The following FOXP1 variants were observed in gnomAD, a reference collection of about 807,000 sequenced individuals.
The protein encoded by FOXP1 is forkhead box P1, also known as forkhead box protein P1.
FOXP1 carries 15 observed loss-of-function variants against 98.2 expected under a neutral mutation model. That is an observed-to-expected ratio of 0.15 (90% CI 0.10 to 0.24). The LOEUF is 0.24. FOXP1 is among the 10% of genes least tolerant of loss of function. FOXP1 has a pLI of 1.00. For synonymous variants in FOXP1, 371 were observed against 314.5 expected (o/e 1.18, Z -1.90); for missense variants, 633 against 848.5 (o/e 0.75, Z 3.15).
At chr3:71,182,716 T>G (rs181622757) in intron 6 of FOXP1, among the ~76,000 whole-genome samples, 4 of 152,020 alleles carry the variant, frequency 2.6e-5, no homozygotes, top group Admixed American at 2.0e-4. Flanking sequence ...TGTTGTTGTT[T>G]TTCTTAATTT....
intron 4 of FOXP1, among the ~76,000 whole-genome samples, chr3:71,348,388 C>T (rs1294854498): frequency 2.0e-5 from 3 of 152,020 alleles, no homozygotes; most frequent in South Asian, 2.1e-4. Flanking sequence ...AGATGTTGGA[C>T]CAGGCTAAGA....
intron 12 of FOXP1, among the ~76,000 whole-genome samples, chr3:71,014,328 G>A (rs372773481): frequency 3.9e-4 from 60 of 152,042 alleles, no homozygotes; most frequent in Non-Finnish European, 6.8e-4. Flanking sequence ...AAAAGTGGGC[G>A]AAGGATATGA....
intron 5 of FOXP1, among the ~76,000 whole-genome samples, chr3:71,233,771 T>G (rs2066542519): frequency 6.6e-6 from 1 of 152,144 alleles, no homozygotes; most frequent in Admixed American, 6.5e-5. Flanking sequence ...GGATCAGGAC[T>G]TGTATATTTT....
intron 5 of FOXP1, among the ~76,000 whole-genome samples, chr3:71,208,003 T>C (rs143935766): frequency 6.6e-6 from 1 of 152,252 alleles, no homozygotes; most frequent in Non-Finnish European, 1.5e-5. Flanking sequence ...AAATACATTA[T>C]GCATATTAAC....
At chr3:71,215,994 G>T (rs1375507663) in intron 5 of FOXP1, among the ~76,000 whole-genome samples, 1 of 152,220 alleles carries the variant, frequency 6.6e-6, no homozygotes, top group Non-Finnish European at 1.5e-5. Context: ...AATAATTGCA[G>T]GTAGGATTAG....
At chr3:71,557,724 A>C (rs898487880) in intron 2 of FOXP1, among the ~76,000 whole-genome samples, 1 of 152,264 alleles carries the variant, frequency 6.6e-6, no homozygotes, top group African/African-American at 2.4e-5. Flanking sequence ...AAGATGCTGC[A>C]TTCTACCTTA....
intron 3 of FOXP1, among the ~76,000 whole-genome samples, chr3:71,372,179 A>AT (rs71621938): frequency 0.037 from 5,161 of 140,394 alleles, 272 homozygotes; most frequent in African/African-American, 0.11. Context: ...TTCCTGGCTA[A>AT]TTTTTTTTTT....
At chr3:71,489,069 T>C (rs1048169363) in intron 3 of FOXP1, among the ~76,000 whole-genome samples, 13 of 152,148 alleles carry the variant, frequency 8.5e-5, no homozygotes, top group Non-Finnish European at 1.9e-4. Flanking sequence ...CCAAGGTACC[T>C]GCCAGCTGCA....
intron 13 of FOXP1, among the ~76,000 whole-genome samples, chr3:71,000,600 C>T (rs150331910): frequency 1.3e-5 from 2 of 151,578 alleles, no homozygotes; most frequent in Admixed American, 6.6e-5. Context: ...TGAGCAACGT[C>T]GAGGACTTAC....
chr3:71,497,220 A>C (rs1024423890), intron 2 of FOXP1, among the ~76,000 whole-genome samples: 1 of 152,216 alleles, frequency 6.6e-6, no homozygotes, highest in Non-Finnish European at 1.5e-5. Flanking sequence ...GAATTGTATA[A>C]CTAGAAAAAC....
chr3:71,062,562 C>T (rs2051677429), intron 7 of FOXP1, among the ~76,000 whole-genome samples: 2 of 152,178 alleles, frequency 1.3e-5, no homozygotes, highest in Non-Finnish European at 1.5e-5. Flanking sequence ...ATAGCTTAGC[C>T]ATGATGCCAT....
chr3:71,108,385 G>C (rs967498773), intron 7 of FOXP1, among the ~76,000 whole-genome samples: 1 of 152,168 alleles, frequency 6.6e-6, no homozygotes, highest in African/African-American at 2.4e-5. Context: ...GTAAAGTTAC[G>C]CATTTTCGAG....
At chr3:71,226,374 C>A (rs1258479160) in intron 5 of FOXP1, among the ~76,000 whole-genome samples, 1 of 152,138 alleles carries the variant, frequency 6.6e-6, no homozygotes, top group Non-Finnish European at 1.5e-5. Flanking sequence ...GACATCAGAG[C>A]ATTGCCTTTT....
intron 10 of FOXP1, among the ~76,000 whole-genome samples, chr3:71,044,454 AAAG>A (rs546611302): frequency 9.7e-4 from 148 of 152,346 alleles, no homozygotes; most frequent in South Asian, 2.1e-3. Context: ...TGTAAAACAG[AAAG>A]AAGACCCTAC....
chr3:71,311,764 G>C (rs1262112807), intron 4 of FOXP1, among the ~76,000 whole-genome samples: 1 of 152,206 alleles, frequency 6.6e-6, no homozygotes. Context: ...TGTGCCCACA[G>C]GGCCTGAGAG....
At chr3:71,507,664 G>T (rs533899750) in intron 2 of FOXP1, among the ~76,000 whole-genome samples, 1 of 151,352 alleles carries the variant, frequency 6.6e-6, no homozygotes, top group Non-Finnish European at 1.5e-5. Flanking sequence ...TGCAAGCTTT[G>T]CCTCCCGGGT....
chr3:71,242,450 A>T (rs2067362595), intron 5 of FOXP1, among the ~76,000 whole-genome samples: 1 of 152,230 alleles, frequency 6.6e-6, no homozygotes, highest in Non-Finnish European at 1.5e-5. Flanking sequence ...TTCCATCATT[A>T]AAATACATCA....
intron 6 of FOXP1, among the ~76,000 whole-genome samples, chr3:71,177,845 T>TTTC (rs887623649): frequency 6.9e-6 from 1 of 143,942 alleles, no homozygotes; most frequent in African/African-American, 2.6e-5. Flanking sequence ...TCTTTCTTTT[T>TTTC]TTTTTTTTTT....
chr3:71,379,093 A>T (rs1048996513), intron 3 of FOXP1, among the ~76,000 whole-genome samples: 12 of 151,508 alleles, frequency 7.9e-5, no homozygotes, highest in Non-Finnish European at 1.5e-4. Context: ...TGCCCTCATT[A>T]CTGATCTTGG....
Sources: gnomAD v4.1 joint callset for allele counts (sites outside exome capture counted in the v4.1 genomes callset) on GRCh38, gnomAD v4.1.1 for gene constraint, MANE v1.5 for transcripts, NCBI Gene and HGNC (gene_info 2026-07-23, HGNC 2026-07-21) for gene names.